CTNNA2: variants seen among roughly 807,000 people sequenced by gnomAD.
CTNNA2 encodes the protein catenin alpha-2.
CTNNA2 carries 42 observed loss-of-function variants against 101.0 expected under a neutral mutation model. That is an observed-to-expected ratio of 0.42 (90% CI 0.32 to 0.54). The LOEUF is 0.54. Ranked by LOEUF, CTNNA2 falls within the 20% of genes least tolerant of loss-of-function variation. The pLI, the probability that CTNNA2 is intolerant of heterozygous loss-of-function variation, is 0.14. For missense variants in CTNNA2, 871 were observed against 1,223.1 expected, an observed-to-expected ratio of 0.71 and a Z score of 4.29; for synonymous variants, 450 against 456.4, an observed-to-expected ratio of 0.99 and a Z score of 0.18.
At chr2:79,583,411 T>A (rs1029916062) in intron 1 of CTNNA2, among the ~76,000 whole-genome samples, 4 of 152,000 alleles carry the variant, frequency 2.6e-5, no homozygotes, top group African/African-American at 9.7e-5. Flanking sequence ...TTTCTTTTAG[T>A]GTCATTATGA....
chr2:80,076,437 C>G (rs954713254), intron 7 of CTNNA2, among the ~76,000 whole-genome samples: 5 of 152,006 alleles, frequency 3.3e-5, no homozygotes, highest in African/African-American at 1.2e-4. Context: ...TGCCACCATG[C>G]CTGGCTAGTT....
chr2:80,603,002 T>C (rs1022189815), intron 15 of CTNNA2, among the ~76,000 whole-genome samples: 1 of 152,038 alleles, frequency 6.6e-6, no homozygotes, highest in Non-Finnish European at 1.5e-5. Flanking sequence ...AATGTTATTA[T>C]GTAACAATAG....
intron 1 of CTNNA2, among the ~76,000 whole-genome samples, chr2:79,514,294 T>C (rs1671688588): frequency 6.6e-6 from 1 of 151,914 alleles, no homozygotes; most frequent in Non-Finnish European, 1.5e-5. Context: ...TCCACAGGCT[T>C]GTAAATATAC....
At chr2:80,081,378 G>A (rs1236884549) in intron 7 of CTNNA2, among the ~76,000 whole-genome samples, 2 of 151,696 alleles carry the variant, frequency 1.3e-5, no homozygotes, top group African/African-American at 4.8e-5. Context: ...TTTAAAACAT[G>A]GGGGGGCTGT....
At chr2:80,498,824 C>A (rs1687660190) in intron 9 of CTNNA2, among the ~76,000 whole-genome samples, 1 of 152,188 alleles carries the variant, frequency 6.6e-6, no homozygotes, top group Non-Finnish European at 1.5e-5. Context: ...TAACCCTTTT[C>A]TTGCTAAATA....
Position 80,555,778 on chromosome 2 carries a change from C to A in CTNNA2, c.1626C>A (p.Ala542=). 6.2e-7 allele frequency: 1 copy of A among 1,600,126 alleles called. No homozygotes were observed. The highest frequency in any genetic ancestry group is 1.7e-5 in the Admixed American group (1 of 58,112). ...DVDTLDRTAG[A]IRGRAARVIH... ...ACACTCTGGACCGGACTGCAGGGGC[C>A]ATCAGGGGCCGGGCAGCTCGAGTCA... Residue 542 remains alanine, a synonymous_variant, in exon 12 of 19, where the codon GCC becomes GCA. Coordinates refer to ENST00000402739, the MANE Select transcript of CTNNA2 (RefSeq NM_001282597.3).
chr2:79,986,542 C>G (rs1191893054), intron 7 of CTNNA2, among the ~76,000 whole-genome samples: 1 of 152,120 alleles, frequency 6.6e-6, no homozygotes, highest in East Asian at 1.9e-4. Flanking sequence ...TTGTTCTGCT[C>G]TCGTGTGACC....
chr2:79,585,868 C>T (rs773075692), intron 1 of CTNNA2, among the ~76,000 whole-genome samples: 6 of 152,190 alleles, frequency 3.9e-5, no homozygotes, highest in Admixed American at 6.5e-5. Context: ...GTGCTGTTTC[C>T]GGGGTGTGAG....
intron 4 of CTNNA2, among the ~76,000 whole-genome samples, chr2:79,403,008 A>G (rs1399896357): frequency 1.3e-5 from 2 of 151,854 alleles, no homozygotes; most frequent in Non-Finnish European, 2.9e-5. Flanking sequence ...CTATATTTAA[A>G]AAGAAGAAAA....
intron 4 of CTNNA2, among the ~76,000 whole-genome samples, chr2:79,400,568 G>A (rs1449186462): frequency 6.6e-6 from 1 of 151,928 alleles, no homozygotes; most frequent in African/African-American, 2.4e-5. Flanking sequence ...CGGTTAACTT[G>A]AAGAAAAATC....
intron 1 of CTNNA2, among the ~76,000 whole-genome samples, chr2:79,583,862 TTGAC>T (rs2103922984): frequency 1.3e-5 from 2 of 152,322 alleles, no homozygotes; most frequent in South Asian, 4.1e-4. Context: ...TTCCATTACA[TTGAC>T]TGAGGAAACT....
chr2:79,865,263 T>C (rs1681952298), intron 4 of CTNNA2, among the ~76,000 whole-genome samples: 1 of 152,200 alleles, frequency 6.6e-6, no homozygotes, highest in East Asian at 1.9e-4. Context: ...ATGATAATGC[T>C]GAGACACCAA....
In CTNNA2 at chr2:80,058,629, T is replaced by A. The variant is rs556767608; in HGVS notation, c.1056+148832T>A. On this transcript the variant is annotated intron_variant, in intron 7 of 18. Coordinates refer to ENST00000402739, the MANE Select transcript of CTNNA2 (RefSeq NM_001282597.3). ...ACACACTAAGGACCACCCAGCTGCT[T>A]GGCCAGAGAAGTAGGATCTTGGGAG... Among the ~76,000 whole-genome samples, 4 of 152,300 alleles carry A rather than the reference T, an allele frequency of 2.6e-5. No individual in the cohort carries two copies. In the East Asian group the frequency reaches 7.7e-4, roughly 29 times the overall value.
At chr2:80,282,557 G>A (rs1674462874) in intron 7 of CTNNA2, among the ~76,000 whole-genome samples, 1 of 151,898 alleles carries the variant, frequency 6.6e-6, no homozygotes, top group Non-Finnish European at 1.5e-5. Flanking sequence ...ATCAACCATG[G>A]GCAATCTTAC....
chr2:80,333,278 C>G (rs188584990), intron 7 of CTNNA2, among the ~76,000 whole-genome samples: 1 of 152,258 alleles, frequency 6.6e-6, no homozygotes, highest in East Asian at 1.9e-4. Flanking sequence ...AATCCCCTTA[C>G]CTACTTACCC....
chr2:80,257,878 C>A (rs1439091992), intron 7 of CTNNA2, among the ~76,000 whole-genome samples: 1 of 152,200 alleles, frequency 6.6e-6, no homozygotes, highest in Non-Finnish European at 1.5e-5. Context: ...CTGCCACTTG[C>A]TTTCTGAATT....
intron 3 of CTNNA2, among the ~76,000 whole-genome samples, chr2:79,755,105 T>A (rs1052369183): frequency 4.6e-5 from 7 of 152,002 alleles, no homozygotes; most frequent in African/African-American, 1.7e-4. Context: ...GTGGGAGGAT[T>A]GCTTGAGGTT....
intron 16 of CTNNA2, 74 bp downstream of exon 16, chr2:80,604,253 T>A (rs995466757): frequency 1.0e-5 from 11 of 1,103,914 alleles, no homozygotes; most frequent in Admixed American, 1.7e-5. Context: ...TAACTAGTTT[T>A]ATGCACCCTA....
rs534471649 is a variant in CTNNA2, at chr2:79,470,267, C to G, written c.-134-34787C>G. Among the ~76,000 whole-genome samples, 10 of 152,258 alleles carry G rather than the reference C, an allele frequency of 6.6e-5. 1 individual carries two copies. The South Asian group carries it at 2.1e-3, about 32-fold the overall frequency. On this transcript the variant is annotated intron_variant, in intron 4 of 21. Coordinates refer to the CTNNA2 transcript ENST00000466387. The stretch of plus-strand genomic sequence containing the variant: ...CTGGGCATCTCAGCTACTCAGGAGG[C>G]TTAGGCGGGAGGAGCATTTGAACCC...
Sources: gnomAD v4.1 joint callset for allele counts (sites outside exome capture counted in the v4.1 genomes callset) on GRCh38, gnomAD v4.1.1 for gene constraint, MANE v1.5 for transcripts, NCBI Gene and HGNC (gene_info 2026-07-23, HGNC 2026-07-21) for gene names.